The following PCDHA4 variants were observed in gnomAD, a reference collection of about 807,000 sequenced individuals.
The protein encoded by PCDHA4 is protocadherin alpha 4, also known as protocadherin alpha-4.
A neutral mutation model predicts 61.4 loss-of-function variants in PCDHA4; 49 were observed. The observed-to-expected ratio is 0.80, with a 90% CI of 0.63 to 1.01. PCDHA4 has a LOEUF of 1.01. Among genes scored for constraint, PCDHA4 ranks in the 50% least tolerant of loss-of-function variants. PCDHA4 has a pLI of 0.00. For synonymous variants in PCDHA4, 590 were observed against 550.3 expected, an observed-to-expected ratio of 1.07 and a Z score of -1.01; for missense variants, 1,254 against 1,235.8, an observed-to-expected ratio of 1.01 and a Z score of -0.22.
chr5:140,866,563 G>A (rs1163893808), intron 1 of PCDHA4: 31 of 152,118 alleles, frequency 2.0e-4, no homozygotes, highest in Admixed American at 2.0e-3. Flanking sequence ...CTATAATTTT[G>A]TTAATACAGT....
chr5:140,825,061 G>T (rs1768438127), intron 1 of PCDHA4: 1 of 151,790 alleles, frequency 6.6e-6, no homozygotes, highest in Admixed American at 6.6e-5. Flanking sequence ...CCTTCATGAA[G>T]CCAAAACATT....
At chr5:140,856,746 A>G (rs996216348) in intron 1 of PCDHA4, 1 of 1,596,552 alleles carries the variant, frequency 6.3e-7, no homozygotes, top group Non-Finnish European at 8.6e-7. Context: ...CTGGTGTTAG[A>G]TGCCAATGAT....
chr5:140,860,155 A>G (rs1159738413), intron 1 of PCDHA4: 2 of 149,648 alleles, frequency 1.3e-5, no homozygotes, highest in African/African-American at 4.9e-5. Flanking sequence ...ATATATGTGT[A>G]TATATATATG....
rs1307653192 is a variant in PCDHA4, at chr5:141,009,883, G to C, written c.2790G>C (p.Lys930Asn). 1.2e-6 allele frequency: 2 copies of C among 1,613,212 alleles called. No individual in the cohort carries two copies. Among genetic ancestry groups the C allele is most frequent in the Non-Finnish European group, 1.7e-6 (2 of 1,179,888 alleles). Reference sequence around the variant, plus strand: ...AGAAGAAAAAGAAGAAGGGTAACAAGACCCAGGAGAAAAAAGAGAAAGGGA... The same window carrying C: ...AGAAGAAAAAGAAGAAGGGTAACAACACCCAGGAGAAAAAAGAGAAAGGGA... ...KKKKKKKKGNKTQEKKEKGNS... is the reference protein window; with the variant it reads ...KKKKKKKKGNNTQEKKEKGNS... The change falls in exon 4 of 4, where the codon AAG becomes AAC. Residue 930 changes from lysine (K) to asparagine (N), a missense_variant. Coordinates refer to ENST00000530339, the MANE Select transcript of PCDHA4 (RefSeq NM_018907.4).
chr5:140,990,524 G>T (rs782064217), intron 3 of PCDHA4, among the ~76,000 whole-genome samples: 2 of 151,978 alleles, frequency 1.3e-5, no homozygotes, highest in Non-Finnish European at 2.9e-5. Flanking sequence ...TGTCTTTTTT[G>T]ACTGTGCATC....
At chr5:140,880,554 A>T (rs546471112) in intron 1 of PCDHA4, among the ~76,000 whole-genome samples, 1 of 152,360 alleles carries the variant, frequency 6.6e-6, no homozygotes, top group South Asian at 2.1e-4. Flanking sequence ...ACTGATGGAA[A>T]TGAGGTTGAG....
intron 1 of PCDHA4, among the ~76,000 whole-genome samples, chr5:140,970,479 G>A (rs782054417): frequency 1.3e-4 from 20 of 152,160 alleles, no homozygotes; most frequent in Admixed American, 8.5e-4. Context: ...AGGCCAGCTT[G>A]TTCATTATTA....
In PCDHA4 at chr5:140,875,574, C is replaced by T. The variant is rs368911944; in HGVS notation, c.2385+66002C>T. On this transcript the variant is annotated intron_variant, in intron 1 of 3. Coordinates refer to ENST00000530339, the MANE Select transcript of PCDHA4 (RefSeq NM_018907.4). ...TGGGGAGCGGCCAGCTCCACTACTC[C>T]GTCTACGAGGAGGCCAAACACGGCA... 7 of 1,613,978 alleles carry T rather than the reference C, an allele frequency of 4.3e-6. No homozygotes were observed. The African/African-American group carries it at 9.3e-5, about 22-fold the overall frequency.
Position 140,929,475 on chromosome 5 carries a change from G to A in PCDHA4, c.2386-49474G>A, listed in dbSNP as rs1554207114. ...ACTTCCTGTGCCAAGAAATCTGGAA[G>A]TATAGAAGTATTAGAAGATTGCCCT... is the stretch of plus-strand genomic sequence containing the variant. On this transcript the variant is annotated intron_variant, in intron 1 of 3. Transcript: ENST00000530339. The A allele has an allele frequency of 4.0e-6, 5 of 1,251,128 alleles. No individual in the cohort carries two copies. The Middle Eastern group carries it at 8.1e-4, about 202-fold the overall frequency. The allele number at this position is 1,251,128 out of a possible 1,614,324, so 77.5% of individuals were successfully genotyped here. A position where few individuals can be genotyped will look rare whatever the true frequency, so the allele number is the denominator to read the frequency against.
chr5:140,932,703 G>A (rs1218359293), intron 1 of PCDHA4, among the ~76,000 whole-genome samples: 2 of 151,660 alleles, frequency 1.3e-5, no homozygotes, highest in Non-Finnish European at 3.0e-5. Flanking sequence ...AACTCATATA[G>A]ACAACACAAT....
intron 1 of PCDHA4, among the ~76,000 whole-genome samples, chr5:140,960,353 A>T (rs1197291282): frequency 6.6e-6 from 1 of 152,214 alleles, no homozygotes; most frequent in African/African-American, 2.4e-5. Context: ...ATATGTACTG[A>T]AATAATATGC....
rs1764340352 is a variant in PCDHA4, at chr5:140,809,033, G to A, written c.1846G>A (p.Gly616Ser). ...WLSYELQPGT[G>S]GARIPFRVGL... ...TTCGTACGAGCTGCAGCCGGGGACT[G>A]GTGGCGCGCGCATCCCGTTCCGCGT... Residue 616 changes from glycine (G) to serine (S), a missense_variant, in exon 1 of 4, where the codon GGT becomes AGT. Physicochemically the swap from Gly to Ser is moderately conservative, Grantham distance 56 (BLOSUM62 0). Coordinates refer to ENST00000530339, the MANE Select transcript of PCDHA4 (RefSeq NM_018907.4). 4.3e-6 allele frequency: 7 copies of A among 1,613,716 alleles called. No homozygotes were observed. The highest frequency in any genetic ancestry group is 4.0e-5 in the African/African-American group (3 of 74,928).
At chr5:140,960,785 A>C (rs1452809407) in intron 1 of PCDHA4, among the ~76,000 whole-genome samples, 2 of 152,200 alleles carry the variant, frequency 1.3e-5, no homozygotes, top group Admixed American at 1.3e-4. Context: ...AGGGCCAAAC[A>C]AGGTTTCTAT....
At chr5:140,857,462 C>T (rs782280236) in intron 1 of PCDHA4, 2 of 1,598,496 alleles carry the variant, frequency 1.3e-6, no homozygotes. Context: ...GCCAGGCTGC[C>T]ACATCTTCAC....
intron 1 of PCDHA4, chr5:140,967,572 A>G: frequency 6.2e-7 from 1 of 1,613,544 alleles, no homozygotes; most frequent in Non-Finnish European, 8.5e-7. Flanking sequence ...CTACGGGAGG[A>G]CTCACCCCCA....
Position 140,858,148 on chromosome 5 carries a change from C to T in PCDHA4, c.2385+48576C>T, listed in dbSNP as rs189442889. The T allele has an allele frequency of 6.1e-4, 978 of 1,597,640 alleles. 22 individuals are homozygous for T. In the East Asian group the frequency reaches 0.021, roughly 34 times the overall value. On this transcript the variant is annotated intron_variant, in intron 1 of 3. Coordinates refer to ENST00000530339, the MANE Select transcript of PCDHA4 (RefSeq NM_018907.4). ...TGGATGTCAACGTGTACCTGATCAT[C>T]GCCATCTGCGCGGTGTCCAGCTTGC...
rs1162004111 is a variant in PCDHA4, at chr5:140,853,967, G to A, written c.2385+44395G>A. ...GAGGGTCCCTTCCTTGAGCCCAGCAGTTTGAGACCAATGTAGTGAGACTCA... is the reference window on the plus strand; with the variant it reads ...GAGGGTCCCTTCCTTGAGCCCAGCAATTTGAGACCAATGTAGTGAGACTCA... On this transcript the variant is annotated intron_variant, in intron 1 of 3. Coordinates refer to ENST00000530339, the MANE Select transcript of PCDHA4 (RefSeq NM_018907.4). The A allele has an allele frequency of 7.7e-6, 5 of 646,708 alleles. No homozygotes were observed. The East Asian group carries it at 4.0e-4, about 51-fold the overall frequency. The allele number at this position is 646,708 out of a possible 1,614,324, so 40.1% of individuals were successfully genotyped here.
At chr5:140,897,504 C>T (rs1253239827) in intron 1 of PCDHA4, among the ~76,000 whole-genome samples, 1 of 152,092 alleles carries the variant, frequency 6.6e-6, no homozygotes, top group Non-Finnish European at 1.5e-5. Context: ...CATGTCCCTA[C>T]AAAGGACATG....
chr5:140,857,663 G>A lies in PCDHA4; in HGVS notation c.2385+48091G>A, dbSNP rs377441915. ...ACAGTTCCAGGTGAGCGCGCGCGAT[G>A]GGGGCGTGCCGCCTCTGGGCAGCAA... On this transcript the variant is annotated intron_variant, in intron 1 of 3. Transcript: ENST00000530339. The A allele has an allele frequency of 1.9e-5, 30 of 1,596,736 alleles. 2 individuals are homozygous for A. Among genetic ancestry groups the A allele is most frequent in the Non-Finnish European group, 2.3e-5 (27 of 1,167,780 alleles).
Sources: gnomAD v4.1 joint callset for allele counts (sites outside exome capture counted in the v4.1 genomes callset) on GRCh38, gnomAD v4.1.1 for gene constraint, MANE v1.5 for transcripts, NCBI Gene and HGNC (gene_info 2026-07-23, HGNC 2026-07-21) for gene names.